MAP2K1: variants seen among roughly 807,000 people sequenced by gnomAD.
The protein encoded by MAP2K1 is mitogen-activated protein kinase kinase 1.
Under a neutral mutation model 46.3 loss-of-function variants are expected in MAP2K1, and 16 were observed. The ratio of observed to expected loss-of-function variants is 0.35; its 90% CI spans 0.23 to 0.52. The LOEUF (loss-of-function observed/expected upper bound fraction) is 0.52, where lower values mean the gene tolerates loss of function less well. MAP2K1 is among the 20% of genes least tolerant of loss of function. The pLI is 0.94. For synonymous variants in MAP2K1, 183 were observed against 185.6 expected, an observed-to-expected ratio of 0.99 and a Z score of 0.11; for missense variants, 263 against 497.1, an observed-to-expected ratio of 0.53 and a Z score of 4.48.
intron 1 of MAP2K1, among the ~76,000 whole-genome samples, chr15:66,424,099 C>G (rs1396672979): frequency 6.6e-6 from 1 of 151,364 alleles, no homozygotes; most frequent in Non-Finnish European, 1.5e-5. Flanking sequence ...CTTTTGTTGC[C>G]CATGCTGGAG....
rs544227292 is a variant in MAP2K1, at chr15:66,420,185, G to T, written c.81-14842G>T. On this transcript the variant is annotated intron_variant, in intron 1 of 10. Transcript: ENST00000307102. ...CTTGAACCGGGGAGGCGGAGGTTGTGGTGAACCGAGATCACACCACTGCAC... is the reference window on the plus strand; with the variant it reads ...CTTGAACCGGGGAGGCGGAGGTTGTTGTGAACCGAGATCACACCACTGCAC... Among the ~76,000 whole-genome samples the T allele has an allele frequency of 2.6e-4, 40 of 151,920 alleles. 1 individual carries two copies. The East Asian group carries it at 7.4e-3, about 28-fold the overall frequency.
chr15:66,396,918 C>T (rs2093368997), intron 1 of MAP2K1, among the ~76,000 whole-genome samples: 1 of 150,916 alleles, frequency 6.6e-6, no homozygotes, highest in Non-Finnish European at 1.5e-5. Context: ...CTCCTGACCT[C>T]AGTTGATCTG....
chr15:66,481,917 C>T (rs756491232), intron 6 of MAP2K1, 38 bp downstream of exon 6: 29 of 1,605,940 alleles, frequency 1.8e-5, no homozygotes, highest in Admixed American at 3.4e-5. Flanking sequence ...GCTTCTTGTA[C>T]GGTCAGGGAG....
At chr15:66,400,719 TAGC>T (rs2093379477) in intron 1 of MAP2K1, among the ~76,000 whole-genome samples, 1 of 152,180 alleles carries the variant, frequency 6.6e-6, no homozygotes, top group South Asian at 2.1e-4. Context: ...TGTTTTGAAA[TAGC>T]AGGTGTTTTC....
At chr15:66,479,696 A>G (rs1485952441) in intron 5 of MAP2K1, among the ~76,000 whole-genome samples, 1 of 152,046 alleles carries the variant, frequency 6.6e-6, no homozygotes, top group Non-Finnish European at 1.5e-5. Flanking sequence ...CTTTTGGAGC[A>G]CCTGCCCTCT....
intron 5 of MAP2K1, chr15:66,446,710 G>A (rs901864976): frequency 7.9e-5 from 29 of 369,110 alleles, no homozygotes; most frequent in Admixed American, 5.9e-4. Context: ...AGGAAGAACT[G>A]CCTGCTCCCA....
chr15:66,393,718 G>A (rs2093361792), intron 1 of MAP2K1, among the ~76,000 whole-genome samples: 1 of 152,158 alleles, frequency 6.6e-6, no homozygotes, highest in Admixed American at 6.5e-5. Context: ...ATGCACTCTA[G>A]CCACACTGTC....
intron 1 of MAP2K1, among the ~76,000 whole-genome samples, chr15:66,430,607 G>A (rs2093472852): frequency 6.6e-6 from 1 of 152,154 alleles, no homozygotes; most frequent in South Asian, 2.1e-4. Context: ...TCTCTCCTAG[G>A]AGTTAGGAGA....
intron 1 of MAP2K1, chr15:66,415,211 G>A (rs1303083596): frequency 6.1e-6 from 3 of 490,366 alleles, no homozygotes; most frequent in African/African-American, 5.9e-5. Flanking sequence ...TTGGAGTCCT[G>A]GTGTCCACTG....
chr15:66,427,347 C>T (rs2093461801), intron 1 of MAP2K1, among the ~76,000 whole-genome samples: 1 of 152,038 alleles, frequency 6.6e-6, no homozygotes, highest in African/African-American at 2.4e-5. Context: ...ATCACGAGGT[C>T]AGGAGATCGA....
At chr15:66,434,810 A>C (rs997258050) in intron 1 of MAP2K1, among the ~76,000 whole-genome samples, 8 of 152,208 alleles carry the variant, frequency 5.3e-5, no homozygotes, top group Admixed American at 5.2e-4. Context: ...AAATGAGGAA[A>C]TTGAAGCCCT....
chr15:66,490,050 C>T lies in MAP2K1; in HGVS notation c.1068+287C>T, dbSNP rs960951416. 15 of 562,580 alleles carry T rather than the reference C, an allele frequency of 2.7e-5. No homozygotes were observed. In the East Asian group the frequency reaches 4.6e-4, roughly 17 times the overall value. The allele number at this position is 562,580 out of a possible 1,614,324, so 34.8% of individuals were successfully genotyped here. ...CCCCCTTCATGGGGATGCGGCCTTT[C>T]CCTAATACTGACTGCCTCATCTTAC... On this transcript the variant is annotated intron_variant, in intron 10 of 10. Transcript: ENST00000307102.
At chr15:66,474,265 C>T (rs536996490) in intron 5 of MAP2K1, among the ~76,000 whole-genome samples, 1 of 152,200 alleles carries the variant, frequency 6.6e-6, no homozygotes, top group South Asian at 2.1e-4. Context: ...CTTGTTAGGA[C>T]CTGGCAGGCA....
chr15:66,473,772 G>A (rs1433136328), intron 5 of MAP2K1, among the ~76,000 whole-genome samples: 1 of 152,144 alleles, frequency 6.6e-6, no homozygotes, highest in African/African-American at 2.4e-5. Context: ...CTGCTTCCCG[G>A]GTTCAATGAG....
rs534626364 is a variant in MAP2K1, at chr15:66,474,056, A to T, written c.569-7699A>T. Among the ~76,000 whole-genome samples, 3 of 152,158 alleles carry T rather than the reference A, an allele frequency of 2.0e-5. No homozygotes were observed. In the East Asian group the frequency reaches 5.8e-4, roughly 29 times the overall value. On this transcript the variant is annotated intron_variant, in intron 5 of 10. Coordinates refer to ENST00000307102, the MANE Select transcript of MAP2K1 (RefSeq NM_002755.4). ...TCCTAAGCTCCTGCAACATCATCTC[A>T]TGTTTAATTGTCAGGGTTTGTGGGC...
chr15:66,408,968 C>T (rs2093404807), intron 1 of MAP2K1, among the ~76,000 whole-genome samples: 1 of 152,166 alleles, frequency 6.6e-6, no homozygotes, highest in South Asian at 2.1e-4. Context: ...CTCCAAAGGG[C>T]AAGGTTCTGC....
intron 1 of MAP2K1, among the ~76,000 whole-genome samples, chr15:66,393,781 A>G (rs2093361889): frequency 6.6e-6 from 1 of 152,102 alleles, no homozygotes; most frequent in Non-Finnish European, 1.5e-5. Flanking sequence ...GAATCTTTGC[A>G]TTTGCCATTC....
chr15:66,414,200 G>GTTTGCTAGAGCAATTCACAGAAC (rs367681783), intron 1 of MAP2K1, among the ~76,000 whole-genome samples: 1 of 148,950 alleles, frequency 6.7e-6, no homozygotes, highest in Non-Finnish European at 1.5e-5. Flanking sequence ...ACTACCCAGA[G>GTTTGCTAGAGCAATTCACAGAAC]TCAGGCAGAC....
At chr15:66,410,308 T>C (rs1388363936) in intron 1 of MAP2K1, among the ~76,000 whole-genome samples, 1 of 152,232 alleles carries the variant, frequency 6.6e-6, no homozygotes, top group Non-Finnish European at 1.5e-5. Context: ...TCTTGACATA[T>C]CTTTGGTGAG....
Sources: allele counts gnomAD v4.1 joint callset (sites outside exome capture counted in the v4.1 genomes callset), GRCh38; gene constraint gnomAD v4.1.1; transcripts MANE v1.5; gene names NCBI Gene and HGNC (gene_info 2026-07-23, HGNC 2026-07-21).